Variants in MAL2 observed in about 807,000 individuals in gnomAD.
MAL2 encodes mal, T cell differentiation protein 2.
MAL2 carries 17 observed loss-of-function variants against 18.1 expected under a neutral mutation model. The ratio of observed to expected loss-of-function variants is 0.94; its 90% CI spans 0.64 to 1.41. The LOEUF (loss-of-function observed/expected upper bound fraction) is 1.41. MAL2 is among the 40% of genes most tolerant of loss of function. MAL2 has a pLI of 0.00. For synonymous variants in MAL2, 102 were observed against 102.3 expected, an observed-to-expected ratio of 1.00 and a Z score of 0.02; for missense variants, 222 against 231.9, an observed-to-expected ratio of 0.96 and a Z score of 0.28.
intron 1 of MAL2, 100 bp from the exon 2 acceptor site, chr8:119,221,487 G>C (rs1817462853): frequency 7.0e-7 from 1 of 1,435,574 alleles, no homozygotes; most frequent in African/African-American, 1.4e-5. Context: ...GGGTCTGGGA[G>C]GAAAATGAAG....
At chr8:119,238,932 T>A (rs1190667688) in intron 2 of MAL2, among the ~76,000 whole-genome samples, 2 of 151,620 alleles carry the variant, frequency 1.3e-5, no homozygotes, top group Non-Finnish European at 2.9e-5. Context: ...AAATGGGAGC[T>A]AATTAAACTA....
At chr8:119,239,818 A>G (rs1257062252) in intron 2 of MAL2, among the ~76,000 whole-genome samples, 2 of 151,800 alleles carry the variant, frequency 1.3e-5, no homozygotes, top group South Asian at 2.1e-4. Flanking sequence ...ATGATGAGTT[A>G]ATGAGTGCAG....
intron 2 of MAL2, among the ~76,000 whole-genome samples, chr8:119,229,569 C>T (rs1471048040): frequency 6.6e-6 from 1 of 152,256 alleles, no homozygotes; most frequent in East Asian, 1.9e-4. Context: ...ACATCGGCCT[C>T]CCAAAGTGCT....
intron 3 of MAL2, among the ~76,000 whole-genome samples, chr8:119,241,281 A>G (rs1818042217): frequency 6.6e-6 from 1 of 152,176 alleles, no homozygotes; most frequent in Admixed American, 6.6e-5. Context: ...TAATCCCAGC[A>G]CATTGGTAGG....
rs560187611 is a variant in MAL2 at position 119,208,385 on chromosome 8, AGCGGCG to A, written c.-73_-68del. The A allele has an allele frequency of 9.6e-5, 68 of 708,014 alleles. No homozygotes were observed. The Middle Eastern group carries it at 2.1e-3, about 22-fold the overall frequency. The allele number at this position is 708,014 out of a possible 1,614,324, so 43.9% of individuals were successfully genotyped here. ...GGCGCGCCCGGAGCCCGCGGAGCTG[AGCGGCG>A]GCGGCGGCGGCGGCAGGAGCCCGGG... On this transcript the variant is annotated 5_prime_UTR_variant, in exon 1 of 4. Transcript: ENST00000614891. This position sits in a 1 kb window ranked among gnomAD's most constrained non-coding sequence, Gnocchi z 4.3.
chr8:119,229,539 C>A (rs1817669764), intron 2 of MAL2, among the ~76,000 whole-genome samples: 1 of 152,116 alleles, frequency 6.6e-6, no homozygotes, highest in Admixed American at 6.5e-5. Flanking sequence ...TCTCAAACTC[C>A]TGACCTCAAG....
intron 1 of MAL2, among the ~76,000 whole-genome samples, chr8:119,218,096 G>T (rs1817388835): frequency 6.6e-6 from 1 of 152,062 alleles, no homozygotes; most frequent in African/African-American, 2.4e-5. Flanking sequence ...GAGGATGGTG[G>T]CCCTCCAAAG....
chr8:119,231,249 G>GTC (rs376064174), intron 2 of MAL2, among the ~76,000 whole-genome samples: 229 of 152,192 alleles, frequency 1.5e-3, no homozygotes, highest in African/African-American at 5.2e-3. Flanking sequence ...AGCCAGGATG[G>GTC]TCTCTCTCTC....
intron 2 of MAL2, among the ~76,000 whole-genome samples, chr8:119,222,177 C>A (rs11781436): frequency 0.19 from 28,072 of 151,642 alleles, 3,060 homozygotes; most frequent in South Asian, 0.33. Flanking sequence ...TAGAAAAGGG[C>A]ATGTTTCATA....
rs563557549 is a variant in MAL2, at chr8:119,236,372, T to A, written c.304-3793T>A. On this transcript the variant is annotated intron_variant, in intron 2 of 3. Transcript: ENST00000614891. ...AGACTTTAACACCCCACTGTCAACA[T>A]TAGAGAGATCAATGAGATAGAAAGT... is the stretch of plus-strand genomic sequence containing the variant. 1.6e-3 allele frequency among the ~76,000 whole-genome samples: 238 copies of A among 151,138 alleles called. 2 individuals carry two copies. Among genetic ancestry groups the A allele is most frequent in the African/African-American group, 5.5e-3 (225 of 40,592 alleles).
At chr8:119,221,183 G>A (rs1817457909) in intron 1 of MAL2, 1 of 168,376 alleles carries the variant, frequency 5.9e-6, no homozygotes, top group East Asian at 1.5e-4. Context: ...GCAACTTCAA[G>A]GAGAGGAATT....
At chr8:119,227,675 T>TA (rs1242252508) in intron 2 of MAL2, among the ~76,000 whole-genome samples, 1 of 152,172 alleles carries the variant, frequency 6.6e-6, no homozygotes. Flanking sequence ...AGTGCACAAT[T>TA]AGATGCTCCA....
intron 2 of MAL2, among the ~76,000 whole-genome samples, chr8:119,222,094 G>A (rs73709680): frequency 0.093 from 14,147 of 151,946 alleles, 1,966 homozygotes; most frequent in African/African-American, 0.3. Flanking sequence ...AAACATTGTC[G>A]CATCTTGAAA....
chr8:119,227,413 CA>C (rs1376664665), intron 2 of MAL2, among the ~76,000 whole-genome samples: 1 of 152,176 alleles, frequency 6.6e-6, no homozygotes, highest in Non-Finnish European at 1.5e-5. Context: ...ATACGCTCTA[CA>C]AAGTCTTGAC....
At chr8:119,222,252 C>T (rs1026182248) in intron 2 of MAL2, among the ~76,000 whole-genome samples, 2 of 151,940 alleles carry the variant, frequency 1.3e-5, no homozygotes, top group South Asian at 2.1e-4. Context: ...AATTTGTGGC[C>T]GGGCGTGGTA....
chr8:119,240,408 T>G (rs1407065922), intron 3 of MAL2, 88 bp downstream of exon 3: 2 of 1,366,702 alleles, frequency 1.5e-6, no homozygotes, highest in Admixed American at 2.1e-5. Flanking sequence ...CAACAATAGT[T>G]TTCTTCAATG....
chr8:119,234,794 C>A (rs968912395), intron 2 of MAL2, among the ~76,000 whole-genome samples: 1 of 151,304 alleles, frequency 6.6e-6, no homozygotes, highest in Non-Finnish European at 1.5e-5. Flanking sequence ...ACATCCACAC[C>A]GAAAACCCAT....
At chr8:119,226,256 G>T (rs914203169) in intron 2 of MAL2, among the ~76,000 whole-genome samples, 1 of 152,026 alleles carries the variant, frequency 6.6e-6, no homozygotes, top group Admixed American at 6.6e-5. Flanking sequence ...TTCTTCTAGG[G>T]TTTTTATGGT....
At chr8:119,230,869 G>T (rs183948993) in intron 2 of MAL2, among the ~76,000 whole-genome samples, 12 of 152,250 alleles carry the variant, frequency 7.9e-5, no homozygotes, top group Non-Finnish European at 1.5e-4. Context: ...TCCTACAAAC[G>T]TGTGGCCAGT....
Sources: allele counts gnomAD v4.1 joint callset (sites outside exome capture counted in the v4.1 genomes callset), GRCh38; gene constraint gnomAD v4.1.1; non-coding constraint Gnocchi (gnomAD v3.1); transcripts MANE v1.5; gene names NCBI Gene and HGNC (gene_info 2026-07-23, HGNC 2026-07-21).